Variants in DNAH5 observed in about 807,000 individuals in gnomAD.
The protein encoded by DNAH5 is axonemal beta dynein heavy chain 5.
In DNAH5, 372 loss-of-function variants were observed where a neutral mutation model predicts 518.2. The observed-to-expected ratio is 0.72, with a 90% CI of 0.66 to 0.78. The LOEUF (loss-of-function observed/expected upper bound fraction) is 0.78, where lower values mean the gene tolerates loss of function less well. DNAH5 is among the 30% of genes least tolerant of loss of function. The probability of loss-of-function intolerance (pLI) is 0.00; values close to 1 mark genes in which losing one functional copy is unlikely to be tolerated. For synonymous variants in DNAH5, 2,039 were observed against 2,025.9 expected (o/e 1.01, Z -0.17); for missense variants, 5,523 against 5,687.0 (o/e 0.97, Z 0.93).
chr5:13,768,098 C>T (rs1158778282), intron 58 of DNAH5, among the ~76,000 whole-genome samples: 1 of 152,102 alleles, frequency 6.6e-6, no homozygotes, highest in Non-Finnish European at 1.5e-5. Context: ...TGTAATTTTG[C>T]CATTGGTGTA....
intron 1 of DNAH5, among the ~76,000 whole-genome samples, chr5:14,003,001 C>T (rs140460306): frequency 6.6e-6 from 1 of 152,116 alleles, no homozygotes; most frequent in Non-Finnish European, 1.5e-5. Flanking sequence ...AAAGAATGTA[C>T]AACTTAAAGT....
intron 70 of DNAH5, among the ~76,000 whole-genome samples, chr5:13,723,210 C>G (rs1209417157): frequency 6.6e-6 from 1 of 152,190 alleles, no homozygotes; most frequent in African/African-American, 2.4e-5. Flanking sequence ...TTTCTACAGC[C>G]TCTGGCAGGT....
intron 1 of DNAH5, among the ~76,000 whole-genome samples, chr5:13,964,751 G>T (rs1051816559): frequency 2.0e-5 from 3 of 152,218 alleles, no homozygotes; most frequent in African/African-American, 7.2e-5. Context: ...AAAGATCTGA[G>T]GGTGATGCCA....
At chr5:13,876,246 T>C (rs1435566117) in intron 22 of DNAH5, among the ~76,000 whole-genome samples, 1 of 152,200 alleles carries the variant, frequency 6.6e-6, no homozygotes, top group Non-Finnish European at 1.5e-5. Flanking sequence ...CTAATTTCTA[T>C]GTGGCAATAT....
intron 1 of DNAH5, among the ~76,000 whole-genome samples, chr5:13,974,697 C>G (rs1454722794): frequency 6.6e-6 from 1 of 152,182 alleles, no homozygotes; most frequent in Non-Finnish European, 1.5e-5. Context: ...ACCCTCTTTT[C>G]CTGGCTTTCT....
At position 13,841,861 on chromosome 5, in the gene DNAH5, G is replaced by C. The variant is rs754845694; in HGVS notation, c.5315C>G (p.Thr1772Arg). The stretch of plus-strand genomic sequence containing the variant: ...CATGACAGGTTTATCCAATTCAATC[G>C]TCTCACCCTCTTGAGAGGAAATTGA... ...ILSISSQEGE[T>R]IELDKPVMAE... The change falls in exon 33 of 79, where the codon ACG becomes AGG. Residue 1772 changes from threonine (T) to arginine (R), a missense_variant. By Grantham distance (71) the Thr-to-Arg change is moderately conservative. Coordinates refer to ENST00000265104, the MANE Select transcript of DNAH5 (RefSeq NM_001369.3). 6 of 1,581,470 alleles carry C rather than the reference G, an allele frequency of 3.8e-6. No individual in the cohort carries two copies. The highest frequency in any genetic ancestry group is 3.3e-5 in the South Asian group (3 of 90,252).
At chr5:13,752,725 A>C (rs1452898971) in intron 63 of DNAH5, among the ~76,000 whole-genome samples, 1 of 152,208 alleles carries the variant, frequency 6.6e-6, no homozygotes, top group Non-Finnish European at 1.5e-5. Context: ...TTCAACTTTC[A>C]TATAGATTTT....
intron 22 of DNAH5, 29 bp downstream of exon 22, chr5:13,876,655 G>A: frequency 6.2e-7 from 1 of 1,609,138 alleles, no homozygotes; most frequent in Non-Finnish European, 8.5e-7. Flanking sequence ...CAAAGCAAAA[G>A]GTCCGGCTGC....
Position 13,752,229 on chromosome 5 carries a change from T to G in DNAH5, c.10933A>C (p.Arg3645=). ...CCAACATCTTCAATAAGCAAAGGCC[T>G]TCCAAGAGAAAGGCTGTCTTCCAGG... The part of the protein sequence containing the change: ...NHLEDSLSLG[R]PLLIEDVGEE... The change falls in exon 64 of 79, where the codon AGG becomes CGG. Residue 3645 remains arginine (R), a synonymous_variant. Transcript: ENST00000265104. 1 of 1,614,060 alleles carries G rather than the reference T, an allele frequency of 6.2e-7. No individual in the cohort carries two copies. Among genetic ancestry groups the G allele is most frequent in the African/African-American group, 1.3e-5 (1 of 75,020 alleles).
At chr5:13,882,287 T>C (rs1013199163) in intron 21 of DNAH5, among the ~76,000 whole-genome samples, 100 of 151,498 alleles carry the variant, frequency 6.6e-4, no homozygotes, top group African/African-American at 2.1e-3. Context: ...GAGAAGGGAA[T>C]ACTTCCAAAC....
intron 42 of DNAH5, among the ~76,000 whole-genome samples, chr5:13,815,575 C>T (rs1761348392): frequency 6.6e-6 from 1 of 152,196 alleles, no homozygotes; most frequent in South Asian, 2.1e-4. Flanking sequence ...CTTCCAGCCT[C>T]TGGAACTATG....
At chr5:13,747,147 T>C (rs1376004485) in intron 65 of DNAH5, among the ~76,000 whole-genome samples, 3 of 152,134 alleles carry the variant, frequency 2.0e-5, no homozygotes, top group Non-Finnish European at 2.9e-5. Flanking sequence ...TGTTTGGTTT[T>C]TTGTCCTTGC....
intron 1 of DNAH5, among the ~76,000 whole-genome samples, chr5:13,977,187 C>T (rs1782322246): frequency 6.6e-6 from 1 of 152,168 alleles, no homozygotes; most frequent in Non-Finnish European, 1.5e-5. Flanking sequence ...GGGAGAGGAG[C>T]TGTAATCAAT....
At chr5:13,933,561 C>A (rs540759332) in intron 1 of DNAH5, among the ~76,000 whole-genome samples, 2 of 151,986 alleles carry the variant, frequency 1.3e-5, no homozygotes, top group Admixed American at 6.6e-5. Flanking sequence ...GAGGCCAAGG[C>A]GGGTGGATCA....
In DNAH5 at chr5:13,862,529, A is replaced by G. The variant is rs1284297588; in HGVS notation, c.4796+19T>C. The G allele has an allele frequency of 1.2e-6, 2 of 1,612,128 alleles. No homozygotes were observed. The highest frequency in any genetic ancestry group is 1.3e-5 in the African/African-American group (1 of 74,872). On this transcript the variant is annotated intron_variant, in intron 29 of 78. Coordinates refer to ENST00000265104, the MANE Select transcript of DNAH5 (RefSeq NM_001369.3). The stretch of plus-strand genomic sequence containing the variant: ...TTACGGTTCTCAAATCTAAGGGAAA[A>G]GATAGATGGTTTTCCCACCTGTTGC...
chr5:13,958,482 C>T (rs1222060741), intron 1 of DNAH5, among the ~76,000 whole-genome samples: 1 of 151,964 alleles, frequency 6.6e-6, no homozygotes, highest in African/African-American at 2.4e-5. Flanking sequence ...AATTTTCTTT[C>T]CATTGATTTT....
intron 66 of DNAH5, 30 bp downstream of exon 66, chr5:13,737,222 G>C: frequency 6.2e-7 from 1 of 1,613,156 alleles, no homozygotes; most frequent in Non-Finnish European, 8.5e-7. Flanking sequence ...TCATTTTCCT[G>C]TGACATTTGT....
chr5:13,862,012 T>G (rs1580637940), intron 29 of DNAH5, among the ~76,000 whole-genome samples: 6 of 104,222 alleles, frequency 5.8e-5, no homozygotes, highest in Admixed American at 5.4e-4. Context: ...TGTACAAATA[T>G]AAAAAATAGA....
chr5:13,893,918 A>C (rs904676328), intron 16 of DNAH5, among the ~76,000 whole-genome samples: 1 of 143,976 alleles, frequency 6.9e-6, no homozygotes, highest in Non-Finnish European at 1.5e-5. Flanking sequence ...CTTTCTGAGA[A>C]AAAAAAAAAA....
Sources: allele counts gnomAD v4.1 joint callset (sites outside exome capture counted in the v4.1 genomes callset), GRCh38; gene constraint gnomAD v4.1.1; transcripts MANE v1.5; gene names NCBI Gene and HGNC (gene_info 2026-07-23, HGNC 2026-07-21).